The following HS6ST3 variants were observed in gnomAD, a reference collection of about 807,000 sequenced individuals.
The protein encoded by HS6ST3 is heparan-sulfate 6-O-sulfotransferase 3.
In HS6ST3, 12 loss-of-function variants were observed where a neutral mutation model predicts 36.7. The observed-to-expected ratio is 0.33, with a 90% CI of 0.21 to 0.53. The LOEUF (loss-of-function observed/expected upper bound fraction) is 0.53. HS6ST3 is among the 20% of genes least tolerant of loss of function. HS6ST3 has a pLI of 0.95. For synonymous variants in HS6ST3, 240 were observed against 257.5 expected (o/e 0.93, Z 0.65); for missense variants, 584 against 640.9 (o/e 0.91, Z 0.96).
chr13:96,715,148 G>A (rs997123054), intron 1 of HS6ST3, among the ~76,000 whole-genome samples: 2 of 152,006 alleles, frequency 1.3e-5, no homozygotes, highest in African/African-American at 4.8e-5. Context: ...AAGAAGTAGG[G>A]CTACATATAT....
At chr13:96,262,894 TCTTAA>T (rs1469029344) in intron 1 of HS6ST3, among the ~76,000 whole-genome samples, 1 of 152,194 alleles carries the variant, frequency 6.6e-6, no homozygotes, top group Non-Finnish European at 1.5e-5. Context: ...TAACTGTGTT[TCTTAA>T]CTTGTTTTAT....
intron 1 of HS6ST3, among the ~76,000 whole-genome samples, chr13:96,816,871 A>G (rs1322935562): frequency 2.0e-5 from 3 of 151,912 alleles, no homozygotes; most frequent in Admixed American, 6.6e-5. Flanking sequence ...CTGTTCCTCC[A>G]TTTTCCCTTT....
chr13:96,587,607 C>T (rs1385113100), intron 1 of HS6ST3, among the ~76,000 whole-genome samples: 1 of 152,162 alleles, frequency 6.6e-6, no homozygotes, highest in Non-Finnish European at 1.5e-5. Flanking sequence ...AAGATGAGAC[C>T]AAATCCAACA....
rs768919486 is a variant in HS6ST3 at position 96,090,956 on chromosome 13, A to G, written c.94A>G (p.Ser32Gly). The G allele has an allele frequency of 6.2e-6, 9 of 1,457,014 alleles. No homozygotes were observed. In the Admixed American group the frequency reaches 1.8e-4, roughly 28 times the overall value. 90.3% of individuals were successfully genotyped at this position (1,457,014 alleles called of 1,614,324 possible). The change falls in exon 1 of 2, where the codon AGC becomes GGC. Residue 32 changes from serine to glycine, a missense_variant. Ser to Gly is a moderately conservative substitution (Grantham distance 56). Coordinates refer to ENST00000376705, the MANE Select transcript of HS6ST3 (RefSeq NM_153456.4). ...CCAGTACGTGTCCCCCTCCTGCACC[A>G]GCTCCTGCACCAACTTCGGGGAGCA... ...MYQYVSPSCT[S>G]SCTNFGEQPR...
intron 1 of HS6ST3, among the ~76,000 whole-genome samples, chr13:96,194,118 C>T (rs559117822): frequency 1.3e-4 from 20 of 152,298 alleles, no homozygotes; most frequent in Admixed American, 1.2e-3. Flanking sequence ...ATTCTCAAAG[C>T]CCTCGTCTCC....
chr13:96,824,897 A>G (rs1594869051), intron 1 of HS6ST3, among the ~76,000 whole-genome samples: 1 of 152,168 alleles, frequency 6.6e-6, no homozygotes, highest in Non-Finnish European at 1.5e-5. Context: ...GTCATGCATT[A>G]TACATCCTGG....
At chr13:96,670,333 G>A (rs1566425906) in intron 1 of HS6ST3, among the ~76,000 whole-genome samples, 1 of 152,162 alleles carries the variant, frequency 6.6e-6, no homozygotes, top group Admixed American at 6.5e-5. Context: ...GTAGATTCAA[G>A]AGAGAATGGC....
intron 1 of HS6ST3, among the ~76,000 whole-genome samples, chr13:96,186,812 C>G (rs1416819714): frequency 6.6e-6 from 1 of 152,164 alleles, no homozygotes; most frequent in African/African-American, 2.4e-5. Flanking sequence ...GTACTCATAA[C>G]TCTCAGCATG....
chr13:96,788,178 G>GTCC (rs978810256), intron 1 of HS6ST3, among the ~76,000 whole-genome samples: 1 of 151,788 alleles, frequency 6.6e-6, no homozygotes, highest in African/African-American at 2.4e-5. Context: ...GATAGTGTGA[G>GTCC]TCCTCCAACA....
At chr13:96,712,900 C>A (rs1042322643) in intron 1 of HS6ST3, among the ~76,000 whole-genome samples, 7 of 152,098 alleles carry the variant, frequency 4.6e-5, no homozygotes, top group African/African-American at 1.4e-4. Flanking sequence ...AAGGCCTGTG[C>A]AAACTGAATC....
At chr13:96,830,089 C>T (rs1878743009) in intron 1 of HS6ST3, among the ~76,000 whole-genome samples, 1 of 151,512 alleles carries the variant, frequency 6.6e-6, no homozygotes, top group Non-Finnish European at 1.5e-5. Context: ...ATTTAATAAA[C>T]ATATGAGATA....
chr13:96,591,985 A>G (rs73558491), intron 1 of HS6ST3, among the ~76,000 whole-genome samples: 5,180 of 152,110 alleles, frequency 0.034, 324 homozygotes, highest in African/African-American at 0.12. Context: ...TTTTGTTGGT[A>G]TGAGGTATCT....
At chr13:96,340,701 C>T (rs1484981880) in intron 1 of HS6ST3, among the ~76,000 whole-genome samples, 5 of 152,230 alleles carry the variant, frequency 3.3e-5, no homozygotes, top group African/African-American at 9.6e-5. Flanking sequence ...CATATCAAGC[C>T]CTACTCTGCC....
chr13:96,486,012 C>T (rs2055912489), intron 1 of HS6ST3, among the ~76,000 whole-genome samples: 1 of 119,240 alleles, frequency 8.4e-6, no homozygotes, highest in African/African-American at 3.1e-5. Context: ...TATCCCTCCC[C>T]CCTCCCCCCA....
intron 1 of HS6ST3, among the ~76,000 whole-genome samples, chr13:96,329,604 A>G (rs1375592145): frequency 7.9e-6 from 1 of 126,042 alleles, no homozygotes; most frequent in African/African-American, 3.4e-5. Context: ...ACTTCCAAGT[A>G]TGTGGTCAAT....
At chr13:96,417,944 C>G (rs1188682299) in intron 1 of HS6ST3, among the ~76,000 whole-genome samples, 1 of 152,054 alleles carries the variant, frequency 6.6e-6, no homozygotes, top group Non-Finnish European at 1.5e-5. Context: ...TGTTGAATAA[C>G]ACACGTGGAC....
At chr13:96,107,109 G>T (rs935029951) in intron 1 of HS6ST3, among the ~76,000 whole-genome samples, 3 of 152,080 alleles carry the variant, frequency 2.0e-5, no homozygotes, top group Non-Finnish European at 2.9e-5. Context: ...TCATTTGTTG[G>T]GATATAAGCA....
chr13:96,384,580 C>T (rs538316639), intron 1 of HS6ST3, among the ~76,000 whole-genome samples: 1 of 152,100 alleles, frequency 6.6e-6, no homozygotes, highest in Non-Finnish European at 1.5e-5. Context: ...AGAGGTGTGA[C>T]TCTTGCTTAT....
chr13:96,383,959 A>G (rs1252720759), intron 1 of HS6ST3, among the ~76,000 whole-genome samples: 1 of 152,182 alleles, frequency 6.6e-6, no homozygotes, highest in Non-Finnish European at 1.5e-5. Flanking sequence ...GAGAAGAGAC[A>G]CTAAAGGAAA....
Sources: allele counts gnomAD v4.1 joint callset (sites outside exome capture counted in the v4.1 genomes callset), GRCh38; gene constraint gnomAD v4.1.1; transcripts MANE v1.5; gene names NCBI Gene and HGNC (gene_info 2026-07-23, HGNC 2026-07-21).